Variants in MGST1 observed in about 807,000 individuals in gnomAD.
The protein encoded by MGST1 is glutathione S-transferase 12.
A neutral mutation model predicts 8.9 loss-of-function variants in MGST1; 5 were observed. That is an observed-to-expected ratio of 0.56 (90% CI 0.29 to 1.19). The LOEUF (loss-of-function observed/expected upper bound fraction) is 1.19, where lower values mean the gene tolerates loss of function less well. Among genes scored for constraint, MGST1 ranks in the 50% most tolerant of loss-of-function variants. The pLI is 0.08. For synonymous variants in MGST1, 54 were observed against 67.8 expected (o/e 0.80, Z 1.00); for missense variants, 182 against 187.4 (o/e 0.97, Z 0.17).
chr12:16,566,083 C>A (rs1336231130), intron 4 of MGST1, among the ~76,000 whole-genome samples: 53 of 134,482 alleles, frequency 3.9e-4, no homozygotes, highest in African/African-American at 1.4e-3. Context: ...GAAATCCTGT[C>A]ATTTGTGACC....
intron 1 of MGST1, among the ~76,000 whole-genome samples, chr12:16,393,209 T>A (rs61225469): frequency 0.082 from 12,522 of 152,290 alleles, 619 homozygotes; most frequent in East Asian, 0.22. Flanking sequence ...GGGGCCCTGA[T>A]ATTTTTGCTT....
At chr12:16,564,573 C>T (rs576902682) in intron 4 of MGST1, among the ~76,000 whole-genome samples, 2 of 152,182 alleles carry the variant, frequency 1.3e-5, no homozygotes, top group African/African-American at 4.8e-5. Context: ...TTTTATTTCA[C>T]AGCACCAGAT....
At chr12:16,379,365 C>T (rs908172806), downstream of MGST1, among the ~76,000 whole-genome samples, 12 of 152,070 alleles carry the variant, frequency 7.9e-5, no homozygotes, top group African/African-American at 1.7e-4. Context: ...GAAGAGTTGT[C>T]GAATTTTGTC....
chr12:16,412,044 A>G (rs1048968431), intron 1 of MGST1, among the ~76,000 whole-genome samples: 3 of 152,332 alleles, frequency 2.0e-5, no homozygotes, highest in African/African-American at 7.2e-5. Flanking sequence ...TAAAAAAATT[A>G]GTCACTATTA....
intron 4 of MGST1, among the ~76,000 whole-genome samples, chr12:16,545,755 CCAAA>C (rs1941820430): frequency 6.6e-6 from 1 of 152,004 alleles, no homozygotes; most frequent in African/African-American, 2.4e-5. Context: ...GAAAGAGCTC[CCAAA>C]CAGATTGCAT....
At chr12:16,450,264 A>T (rs997386558) in intron 4 of MGST1, among the ~76,000 whole-genome samples, 2 of 151,908 alleles carry the variant, frequency 1.3e-5, no homozygotes, top group Non-Finnish European at 2.9e-5. Flanking sequence ...GTGTCCAGTC[A>T]CTTGGGCCTC....
intron 4 of MGST1, among the ~76,000 whole-genome samples, chr12:16,481,118 A>C (rs1298798113): frequency 6.6e-6 from 1 of 152,188 alleles, no homozygotes; most frequent in African/African-American, 2.4e-5. Context: ...AGACAGAAAG[A>C]AAGACCTCAC....
Position 16,410,056 on chromosome 12 carries a change from G to C in MGST1, n.778+26452G>C, listed in dbSNP as rs117365714. ...CCTGGGAAGTGAGTGGGGTAGTGTA[G>C]CGCAGATTTAACTCTGAGCTTTCTC... On this transcript the variant is annotated intron_variant and non_coding_transcript_variant, in intron 1 of 1. Coordinates refer to the MGST1 transcript ENST00000359720. The surrounding 1 kb of genome is among the most constrained non-coding windows in gnomAD (Gnocchi z 4.4). Among the ~76,000 whole-genome samples, 194 of 152,248 alleles carry C rather than the reference G, an allele frequency of 1.3e-3. 3 individuals are homozygous for C. In the East Asian group the frequency reaches 0.031, roughly 25 times the overall value.
At position 16,410,244 on chromosome 12, in the gene MGST1, T is replaced by A. The variant is rs977902308; in HGVS notation, n.778+26640T>A. The stretch of plus-strand genomic sequence containing the variant: ...CTGCTCTTTGACATTTTAAGATGAT[T>A]TACCATATTTAAAATCTATCATTTT... On this transcript the variant is annotated intron_variant and non_coding_transcript_variant, in intron 1 of 1. Transcript: ENST00000359720. This position sits in a 1 kb window ranked among gnomAD's most constrained non-coding sequence, Gnocchi z 4.4. Among the ~76,000 whole-genome samples the A allele has an allele frequency of 7.2e-5, 11 of 152,268 alleles. No homozygotes were observed. The highest frequency in any genetic ancestry group is 1.3e-4 in the Non-Finnish European group (9 of 68,016).
chr12:16,479,451 G>A (rs1248358776), intron 4 of MGST1, among the ~76,000 whole-genome samples: 1 of 150,886 alleles, frequency 6.6e-6, no homozygotes, highest in Non-Finnish European at 1.5e-5. Context: ...AGCCAGGATG[G>A]TGTCCATCTC....
chr12:16,371,583 G>A (rs921019215), intron 3 of MGST1, among the ~76,000 whole-genome samples: 1 of 151,992 alleles, frequency 6.6e-6, no homozygotes, highest in South Asian at 2.1e-4. Context: ...CAATCAATTT[G>A]ATGACTAGAA....
At chr12:16,550,040 T>C (rs965304979) in intron 4 of MGST1, 9 of 151,882 alleles carry the variant, frequency 5.9e-5, no homozygotes, top group Admixed American at 5.2e-4. Flanking sequence ...TACAGAAAAA[T>C]ATATAATCAC....
intron 1 of MGST1, among the ~76,000 whole-genome samples, chr12:16,408,030 CAAAAAAAAAAAAAA>C (rs200073692): frequency 9.1e-5 from 4 of 44,094 alleles, no homozygotes; most frequent in African/African-American, 2.2e-4. Context: ...GACTCTGTCT[CAAAAAAAAAAAAAA>C]AAAAAAAAAA....
At chr12:16,387,769 G>A (rs1348175036) in intron 1 of MGST1, among the ~76,000 whole-genome samples, 4 of 152,144 alleles carry the variant, frequency 2.6e-5, no homozygotes, top group South Asian at 2.1e-4. Flanking sequence ...CTCATGATCT[G>A]CCCGCCTTGG....
At chr12:16,440,461 T>G (rs1285041101), downstream of MGST1, among the ~76,000 whole-genome samples, 1 of 151,804 alleles carries the variant, frequency 6.6e-6, no homozygotes, top group Non-Finnish European at 1.5e-5. Flanking sequence ...AGATTAGTTT[T>G]GCTGGTCCTG....
chr12:16,363,833 T>C lies in MGST1; in HGVS notation c.260T>C (p.Leu87Pro). 6.2e-7 allele frequency: 1 copy of C among 1,611,048 alleles called. No individual in the cohort carries two copies. Among genetic ancestry groups the C allele is most frequent in the African/African-American group, 1.3e-5 (1 of 74,990 alleles). The change falls in exon 4 of 4, where the codon CTT (leucine) becomes CCT (proline). Residue 87 changes from leucine to proline, a missense_variant. By Grantham distance (98) the Leu-to-Pro change is moderately conservative (BLOSUM62 -3). Coordinates refer to ENST00000396210, the MANE Select transcript of MGST1 (RefSeq NM_020300.5). This position sits in a 1 kb window ranked among gnomAD's most constrained non-coding sequence, Gnocchi z 4.6. Reference sequence around the variant, plus strand: ...GACCTTGAAAATATTATTCCATTTCTTGGAATTGGCCTCCTGTATTCCTTG... The same window carrying C: ...GACCTTGAAAATATTATTCCATTTCCTGGAATTGGCCTCCTGTATTCCTTG... ...LNDLENIIPF[L>P]GIGLLYSLSG... is the part of the protein sequence containing the mutation.
At chr12:16,526,071 AAATT>A (rs1941684390) in intron 4 of MGST1, among the ~76,000 whole-genome samples, 1 of 144,254 alleles carries the variant, frequency 6.9e-6, no homozygotes, top group Admixed American at 6.8e-5. Flanking sequence ...TAGGTTGTGA[AAATT>A]TTCTCCCATT....
rs1051065964 is a variant in MGST1 at position 16,487,293 on chromosome 12, A to T, written n.483-102235A>T. 5.9e-5 allele frequency among the ~76,000 whole-genome samples: 9 copies of T among 152,310 alleles called. 1 individual carries two copies. Among genetic ancestry groups the T allele is most frequent in the Admixed American group, 5.9e-4 (9 of 15,286 alleles). Reference sequence around the variant, plus strand: ...AAACAAACAAAAAACCAACACCAACACCAACAACAAAAAAACAAACCTAGA... The same window carrying T: ...AAACAAACAAAAAACCAACACCAACTCCAACAACAAAAAAACAAACCTAGA... On this transcript the variant is annotated intron_variant and non_coding_transcript_variant, in intron 4 of 4. Transcript: ENST00000538857.
intron 1 of MGST1, among the ~76,000 whole-genome samples, chr12:16,426,720 G>C (rs1469495436): frequency 6.6e-6 from 1 of 152,114 alleles, no homozygotes. Context: ...GGGAGGCCGA[G>C]GCGGGCGGAT....
Sources: gnomAD v4.1 joint callset for allele counts (sites outside exome capture counted in the v4.1 genomes callset) on GRCh38, gnomAD v4.1.1 for gene constraint, Gnocchi (gnomAD v3.1) non-coding constraint, MANE v1.5 for transcripts, NCBI Gene and HGNC (gene_info 2026-07-23, HGNC 2026-07-21) for gene names.